RAP1GAP: variants seen among roughly 807,000 people sequenced by gnomAD.
RAP1GAP encodes rap1 GTPase-activating protein 1.
A neutral mutation model predicts 87.2 loss-of-function variants in RAP1GAP; 35 were observed. That is an observed-to-expected ratio of 0.40 (90% CI 0.31 to 0.53). The LOEUF is 0.53. Among genes scored for constraint, RAP1GAP ranks in the 20% least tolerant of loss-of-function variants. RAP1GAP has a pLI of 0.48. For missense variants in RAP1GAP, 734 were observed against 898.9 expected, an observed-to-expected ratio of 0.82 and a Z score of 2.35; for synonymous variants, 375 against 363.9, an observed-to-expected ratio of 1.03 and a Z score of -0.35.
rs1282839768 is a variant in RAP1GAP at position 21,622,634 on chromosome 1, G to A, written c.-18-2584C>T. On this transcript the variant is annotated intron_variant, in intron 3 of 24. Coordinates refer to ENST00000374765, the MANE Select transcript of RAP1GAP (RefSeq NM_002885.4). The surrounding 1 kb of genome is among the most constrained non-coding windows in gnomAD (Gnocchi z 5.7). Reference sequence around the variant, plus strand: ...CGGCGCGGGGCGGGGCGGGGCGGGGGCGCTGAAGCCACGCCCCCCGGGCGG... The same window carrying A: ...CGGCGCGGGGCGGGGCGGGGCGGGGACGCTGAAGCCACGCCCCCCGGGCGG... 3.4e-5 allele frequency: 5 copies of A among 146,042 alleles called. No individual in the cohort carries two copies. In the East Asian group the frequency reaches 7.9e-4, roughly 23 times the overall value. The allele number at this position is 146,042 out of a possible 1,614,324, so 9.0% of individuals were successfully genotyped here.
chr1:21,610,317 G>T, intron 13 of RAP1GAP, 42 bp from the exon 14 acceptor site: 2 of 1,607,540 alleles, frequency 1.2e-6, no homozygotes, highest in East Asian at 2.2e-5. Context: ...GGCCAGAGGG[G>T]GCCCATGGGG....
rs140689131 is a variant in RAP1GAP, at chr1:21,615,841, C to T, written c.291+1465G>A. Among the ~76,000 whole-genome samples, 106 of 152,282 alleles carry T rather than the reference C, an allele frequency of 7.0e-4. No individual in the cohort carries two copies. The highest frequency in any genetic ancestry group is 2.5e-3 in the African/African-American group (102 of 41,546). On this transcript the variant is annotated intron_variant, in intron 7 of 24. Coordinates refer to ENST00000374765, the MANE Select transcript of RAP1GAP (RefSeq NM_002885.4). The surrounding 1 kb of genome is among the most constrained non-coding windows in gnomAD (Gnocchi z 4.5). ...CCATGTGTTTGGCATATACAGTACC[C>T]TCAGATCCTACCACCTGCCAGACCC...
intron 17 of RAP1GAP, among the ~76,000 whole-genome samples, chr1:21,607,357 A>G (rs2075351424): frequency 6.6e-6 from 1 of 152,214 alleles, no homozygotes; most frequent in African/African-American, 2.4e-5. Flanking sequence ...CAATAACTGT[A>G]TGAGGCAAGT....
At chr1:21,631,001 C>A (rs1432147732) in intron 2 of RAP1GAP, among the ~76,000 whole-genome samples, 1 of 151,922 alleles carries the variant, frequency 6.6e-6, no homozygotes, top group Non-Finnish European at 1.5e-5. Context: ...CCCCTCCAAT[C>A]CCCTTCTTCC....
At chr1:21,618,874 G>C in intron 5 of RAP1GAP, 151 bp downstream of exon 5, 1 of 859,674 alleles carries the variant, frequency 1.2e-6, no homozygotes, top group Non-Finnish European at 1.8e-6. Context: ...CCTGCTAGAA[G>C]CTGTGCCTCC....
intron 18 of RAP1GAP, among the ~76,000 whole-genome samples, chr1:21,604,673 G>C (rs953329556): frequency 6.6e-6 from 1 of 151,998 alleles, no homozygotes; most frequent in East Asian, 1.9e-4. Context: ...CAGTGTGCTT[G>C]GTGACTGCTG....
chr1:21,654,913 G>C (rs1232201168), intron 1 of RAP1GAP, among the ~76,000 whole-genome samples: 1 of 152,174 alleles, frequency 6.6e-6, no homozygotes, highest in African/African-American at 2.4e-5. Flanking sequence ...GGCCAAGTCG[G>C]GTAGATCACT....
In RAP1GAP at chr1:21,598,074, G is replaced by A. The variant is rs747787943; in HGVS notation, c.1880-10C>T. On this transcript the variant is annotated splice_polypyrimidine_tract_variant and intron_variant, in intron 22 of 24. Coordinates refer to ENST00000374765, the MANE Select transcript of RAP1GAP (RefSeq NM_002885.4). ...GGTGATCGAGAGGGGCCTGGGGAGGGGGGCAGGAGGGAGCCACCTCACTGG... is the reference window on the plus strand; with the variant it reads ...GGTGATCGAGAGGGGCCTGGGGAGGAGGGCAGGAGGGAGCCACCTCACTGG... 2.0e-6 allele frequency: 3 copies of A among 1,490,614 alleles called. No individual in the cohort carries two copies. Among genetic ancestry groups the A allele is most frequent in the Non-Finnish European group, 2.7e-6 (3 of 1,104,154 alleles). The allele number at this position is 1,490,614 out of a possible 1,614,324, so 92.3% of individuals were successfully genotyped here. A position where few individuals can be genotyped will look rare whatever the true frequency, so the allele number is the denominator to read the frequency against.
Position 21,669,159 on chromosome 1 carries a change from G to C in RAP1GAP, c.-149+95C>G. On this transcript the variant is annotated intron_variant, in intron 1 of 24. Transcript: ENST00000374765. The surrounding 1 kb of genome is among the most constrained non-coding windows in gnomAD (Gnocchi z 5.6). ...TCGCCCCCACCCTCCGTCCCCGCCC[G>C]CCCGCGCGGGGTCTTCGCTGCGAGC... 8.5e-7 allele frequency: 1 copy of C among 1,171,862 alleles called. No homozygotes were observed. Among genetic ancestry groups the C allele is most frequent in the Non-Finnish European group, 1.1e-6 (1 of 931,802 alleles). 72.6% of individuals were successfully genotyped at this position (1,171,862 alleles called of 1,614,324 possible). A position where few individuals can be genotyped will look rare whatever the true frequency, so the allele number is the denominator to read the frequency against.
chr1:21,605,978 G>C (rs1398310852), intron 18 of RAP1GAP, 88 bp downstream of exon 18: 4 of 1,437,576 alleles, frequency 2.8e-6, no homozygotes, highest in African/African-American at 2.8e-5. Flanking sequence ...GGGCAACAGA[G>C]AGAGTTGGAG....
chr1:21,612,489 A>G (rs112213588), intron 10 of RAP1GAP, among the ~76,000 whole-genome samples: 9 of 152,266 alleles, frequency 5.9e-5, no homozygotes, highest in African/African-American at 1.9e-4. Flanking sequence ...TCATCCTCCC[A>G]GAACAGGACA....
chr1:21,634,784 C>A lies in RAP1GAP; in HGVS notation c.-112-8387G>T. 1 of 466,864 alleles carries A rather than the reference C, an allele frequency of 2.1e-6. No homozygotes were observed. The highest frequency in any genetic ancestry group is 4.3e-6 in the Non-Finnish European group (1 of 230,646). 28.9% of individuals were successfully genotyped at this position (466,864 alleles called of 1,614,324 possible). A position where few individuals can be genotyped will look rare whatever the true frequency, so the allele number is the denominator to read the frequency against. On this transcript the variant is annotated intron_variant, in intron 2 of 24. Coordinates refer to ENST00000374765, the MANE Select transcript of RAP1GAP (RefSeq NM_002885.4). The surrounding 1 kb of genome is among the most constrained non-coding windows in gnomAD (Gnocchi z 4.1). Reference sequence around the variant, plus strand: ...TACCTGCTGTCTATCCAGCATCTGTCTCCCTTGCTCAGGTGGCCTGAGCCC... The same window carrying A: ...TACCTGCTGTCTATCCAGCATCTGTATCCCTTGCTCAGGTGGCCTGAGCCC...
Position 21,601,812 on chromosome 1 carries a change from G to A in RAP1GAP, c.1539-15C>T, listed in dbSNP as rs2068759940. ...GAGGGCTCTCCCTGCGGGGCACACG[G>A]GGGCAGCGGGGGGATTCAGCACCAG... On this transcript the variant is annotated splice_polypyrimidine_tract_variant and intron_variant, in intron 19 of 24. Coordinates refer to ENST00000374765, the MANE Select transcript of RAP1GAP (RefSeq NM_002885.4). 4.5e-6 allele frequency: 7 copies of A among 1,551,594 alleles called. No individual in the cohort carries two copies. Among genetic ancestry groups the A allele is most frequent in the Admixed American group, 1.8e-5 (1 of 56,272 alleles).
Position 21,668,890 on chromosome 1 carries a change from C to T in RAP1GAP, c.-149+364G>A, listed in dbSNP as rs374852634. Among the ~76,000 whole-genome samples the T allele has an allele frequency of 1.7e-3, 260 of 151,064 alleles. 2 individuals carry two copies. The highest frequency in any genetic ancestry group is 5.8e-3 in the African/African-American group (238 of 41,158). On this transcript the variant is annotated intron_variant, in intron 1 of 24. Transcript: ENST00000374765. This position sits in a 1 kb window ranked among gnomAD's most constrained non-coding sequence, Gnocchi z 6.2. ...GGATGGAGGAAACGCGCCCACTTCC[C>T]ACAGTCCCTCCTCTAAACCCCAGGC...
chr1:21,627,465 C>A (rs560952929), intron 2 of RAP1GAP, among the ~76,000 whole-genome samples: 86 of 143,040 alleles, frequency 6.0e-4, no homozygotes, highest in Non-Finnish European at 1.0e-3. Flanking sequence ...CCCAGGCTGG[C>A]GTGCAAATGG....
intron 16 of RAP1GAP, 70 bp downstream of exon 16, chr1:21,608,780 A>T (rs771673439): frequency 1.4e-6 from 2 of 1,467,686 alleles, no homozygotes; most frequent in Non-Finnish European, 1.9e-6. Context: ...TTCCCTTCCC[A>T]GGGACAGGGC....
intron 1 of RAP1GAP, among the ~76,000 whole-genome samples, chr1:21,650,234 G>T (rs888499615): frequency 6.6e-6 from 1 of 152,078 alleles, no homozygotes; most frequent in African/African-American, 2.4e-5. Context: ...CCCAAGGCCC[G>T]TAGCCTGCCT....
intron 2 of RAP1GAP, among the ~76,000 whole-genome samples, chr1:21,636,104 T>C (rs1446327910): frequency 6.6e-6 from 1 of 152,208 alleles, no homozygotes; most frequent in Non-Finnish European, 1.5e-5. Context: ...AAATTAGGTA[T>C]TATATGGACA....
At position 21,603,026 on chromosome 1, in the gene RAP1GAP, AG is replaced by A. The variant is rs1351562669; in HGVS notation, c.1429-114del. ...GGCCCTGAAGCAGAGTTGATGAGCA[AG>A]AAAGAACGAGAGAAGATATCCATTC... On this transcript the variant is annotated intron_variant, in intron 18 of 24. Coordinates refer to ENST00000374765, the MANE Select transcript of RAP1GAP (RefSeq NM_002885.4). The surrounding 1 kb of genome is among the most constrained non-coding windows in gnomAD (Gnocchi z 6.0). 1 of 698,376 alleles carries A rather than the reference AG, an allele frequency of 1.4e-6. No homozygotes were observed. Among genetic ancestry groups the A allele is most frequent in the African/African-American group, 1.8e-5 (1 of 55,740 alleles). 43.3% of individuals were successfully genotyped at this position (698,376 alleles called of 1,614,324 possible).
Sources: gnomAD v4.1 joint callset for allele counts (sites outside exome capture counted in the v4.1 genomes callset) on GRCh38, gnomAD v4.1.1 for gene constraint, Gnocchi (gnomAD v3.1) non-coding constraint, MANE v1.5 for transcripts, NCBI Gene and HGNC (gene_info 2026-07-23, HGNC 2026-07-21) for gene names.